The following DNAJC5 variants were observed in gnomAD, a reference collection of about 807,000 sequenced individuals.
DNAJC5 encodes the protein DnaJ heat shock protein family (Hsp40) member C5.
A neutral mutation model predicts 23.2 loss-of-function variants in DNAJC5; 1 was observed. The ratio of observed to expected loss-of-function variants is 0.04; its 90% confidence interval spans 0.02 to 0.20. DNAJC5 has a LOEUF of 0.20. DNAJC5 is among the 10% of genes least tolerant of loss of function. The pLI, the probability that DNAJC5 is intolerant of heterozygous loss-of-function variation, is 1.00. For synonymous variants in DNAJC5, 136 were observed against 120.0 expected, an observed-to-expected ratio of 1.13 and a Z score of -0.87; for missense variants, 180 against 267.0, an observed-to-expected ratio of 0.67 and a Z score of 2.27.
At chr20:63,901,186 A>G (rs753051391) in intron 1 of DNAJC5, among the ~76,000 whole-genome samples, 12 of 152,218 alleles carry the variant, frequency 7.9e-5, no homozygotes, top group Non-Finnish European at 1.5e-4. Context: ...GCTGGTCTCA[A>G]ACTCCTGAAC....
In DNAJC5 at chr20:63,930,942, C is replaced by G. The variant is rs978181483; in HGVS notation, c.413C>G (p.Pro138Arg). The change falls in exon 4 of 5, where the codon CCC (proline) becomes CGC (arginine). Residue 138 changes from proline (P) to arginine (R), a missense_variant. Physicochemically the swap from Pro to Arg is moderately radical, Grantham distance 103. Around this residue, in one of 3 missense-constraint regions of DNAJC5, gnomAD observed 97 missense variants for 123.4 expected, o/e 0.79. Transcript: ENST00000360864. Reference protein sequence around the residue: ...CFNCCCGKCKPKAPEGEETEF... With the variant: ...CFNCCCGKCKRKAPEGEETEF... ...AACTGCTGCTGCGGGAAGTGTAAGC[C>G]CAAGGCGCCTGAAGGCGAGGAGACG... 1 of 1,614,030 alleles carries G rather than the reference C, an allele frequency of 6.2e-7. No individual in the cohort carries two copies.
chr20:63,912,764 C>T (rs1303651154), intron 1 of DNAJC5, among the ~76,000 whole-genome samples: 2 of 152,126 alleles, frequency 1.3e-5, no homozygotes, highest in Non-Finnish European at 2.9e-5. Flanking sequence ...CCTGCCACCA[C>T]GTCCAGCTAA....
Position 63,920,163 on chromosome 20 carries a change from C to T in DNAJC5, c.-11-8172C>T, listed in dbSNP as rs909101688. 2.0e-5 allele frequency among the ~76,000 whole-genome samples: 3 copies of T among 152,170 alleles called. No individual in the cohort carries two copies. The highest frequency in any genetic ancestry group is 3.4e-3 in the Middle Eastern group (1 of 294). ...CACAGGACAGCGCCACGGAAGAGGACGCACCCGGCTGTGTGGCAGGGGAGG... is the reference window on the plus strand; with the variant it reads ...CACAGGACAGCGCCACGGAAGAGGATGCACCCGGCTGTGTGGCAGGGGAGG... On this transcript the variant is annotated intron_variant, in intron 1 of 4. Transcript: ENST00000360864. The surrounding 1 kb of genome is among the most constrained non-coding windows in gnomAD (Gnocchi z 4.6).
intron 1 of DNAJC5, among the ~76,000 whole-genome samples, chr20:63,917,421 T>C (rs1032463257): frequency 2.0e-5 from 3 of 151,922 alleles, no homozygotes; most frequent in Non-Finnish European, 4.4e-5. Context: ...AATGCAGAAC[T>C]TTTGTATTTT....
chr20:63,913,805 C>A (rs921336709), intron 1 of DNAJC5, among the ~76,000 whole-genome samples: 2 of 152,204 alleles, frequency 1.3e-5, no homozygotes, highest in Non-Finnish European at 2.9e-5. Context: ...TCTCAAACTC[C>A]TGACCTCAGG....
At chr20:63,899,618 C>G (rs1183176843) in intron 1 of DNAJC5, among the ~76,000 whole-genome samples, 1 of 152,276 alleles carries the variant, frequency 6.6e-6, no homozygotes, top group African/African-American at 2.4e-5. Flanking sequence ...GTCTCATTCT[C>G]TCACCCAGGC....
chr20:63,910,646 C>G (rs1386671158), intron 1 of DNAJC5, among the ~76,000 whole-genome samples: 3 of 150,806 alleles, frequency 2.0e-5, no homozygotes, highest in Admixed American at 1.3e-4. Context: ...ATAACCTGCT[C>G]TCCAAGTAAT....
intron 1 of DNAJC5, chr20:63,919,301 G>A (rs1334882613): frequency 4.4e-6 from 2 of 456,812 alleles, no homozygotes; most frequent in African/African-American, 2.0e-5. Flanking sequence ...AGAACAGAGC[G>A]AGGCATGTGA....
chr20:63,905,845 C>T (rs771299480), intron 1 of DNAJC5, among the ~76,000 whole-genome samples: 3 of 152,058 alleles, frequency 2.0e-5, no homozygotes, highest in African/African-American at 7.2e-5. Context: ...AGCGATTCTC[C>T]TGCCTCAGCC....
In DNAJC5 at chr20:63,916,223, C is replaced by T. The variant is rs551315478; in HGVS notation, c.-11-12112C>T. ...TCAGCCTCCAAAAGTGCTAGGATTC[C>T]GGGCATGAGCCATCATGCCTGGTTA... On this transcript the variant is annotated intron_variant, in intron 1 of 4. Coordinates refer to ENST00000360864, the MANE Select transcript of DNAJC5 (RefSeq NM_025219.3). Among the ~76,000 whole-genome samples, 20 of 152,334 alleles carry T rather than the reference C, an allele frequency of 1.3e-4. 1 individual carries two copies. Among genetic ancestry groups the T allele is most frequent in the African/African-American group, 2.6e-4 (11 of 41,588 alleles).
At chr20:63,922,054 C>G (rs894778823) in intron 1 of DNAJC5, among the ~76,000 whole-genome samples, 1 of 151,922 alleles carries the variant, frequency 6.6e-6, no homozygotes, top group South Asian at 2.1e-4. Flanking sequence ...GCTGGAATTA[C>G]AGGCGTGAGC....
At chr20:63,923,014 G>T (rs2053584572) in intron 1 of DNAJC5, among the ~76,000 whole-genome samples, 1 of 152,026 alleles carries the variant, frequency 6.6e-6, no homozygotes, top group South Asian at 2.1e-4. Flanking sequence ...GGTGGTACGT[G>T]CCTGTAGTCC....
At chr20:63,922,575 C>G (rs1456934126) in intron 1 of DNAJC5, among the ~76,000 whole-genome samples, 1 of 151,678 alleles carries the variant, frequency 6.6e-6, no homozygotes, top group East Asian at 2.0e-4. Context: ...AATTCAAGAT[C>G]AGCCTGAGCA....
At chr20:63,901,112 G>T (rs929503581) in intron 1 of DNAJC5, among the ~76,000 whole-genome samples, 6 of 152,190 alleles carry the variant, frequency 3.9e-5, no homozygotes, top group African/African-American at 1.4e-4. Context: ...TTACAGGCGT[G>T]TGCCACCACG....
At chr20:63,914,606 C>G (rs1048423254) in intron 1 of DNAJC5, among the ~76,000 whole-genome samples, 1 of 144,668 alleles carries the variant, frequency 6.9e-6, no homozygotes, top group Non-Finnish European at 1.5e-5. Context: ...CATGAACCAC[C>G]GTGCCCGGCC....
rs902484520 is a variant in DNAJC5, at chr20:63,931,228, C to T, written c.493+206C>T. The T allele has an allele frequency of 5.4e-5, 43 of 792,330 alleles. No individual in the cohort carries two copies. Among genetic ancestry groups the T allele is most frequent in the South Asian group, 4.2e-4 (29 of 68,410 alleles). The allele number at this position is 792,330 out of a possible 1,614,324, so 49.1% of individuals were successfully genotyped here. A position where few individuals can be genotyped will look rare whatever the true frequency, so the allele number is the denominator to read the frequency against. On this transcript the variant is annotated intron_variant, in intron 4 of 4. Coordinates refer to ENST00000360864, the MANE Select transcript of DNAJC5 (RefSeq NM_025219.3). The surrounding 1 kb of genome is among the most constrained non-coding windows in gnomAD (Gnocchi z 9.6). ...TGTCCCCGCCGTGACCTGCGGTAGC[C>T]GTAGATCCCAGGGACTGCGAGGCGG...
intron 1 of DNAJC5, among the ~76,000 whole-genome samples, chr20:63,898,020 C>T (rs1022032618): frequency 4.6e-5 from 7 of 152,200 alleles, no homozygotes; most frequent in African/African-American, 1.7e-4. Flanking sequence ...TACCACTGAG[C>T]CTGGTTGTAC....
rs527760817 is a variant in DNAJC5, at chr20:63,925,711, C to T, written c.-11-2624C>T. On this transcript the variant is annotated intron_variant, in intron 1 of 4. Transcript: ENST00000360864. ...TGCCTCCTGCCAGTATCACCGAGAT[C>T]GCGTCACCGCACTCCAGCCTGGGCA... 5.2e-4 allele frequency among the ~76,000 whole-genome samples: 79 copies of T among 151,492 alleles called. 1 individual carries two copies. The South Asian group carries it at 7.7e-3, about 15-fold the overall frequency.
chr20:63,913,481 CT>C (rs1347304566), intron 1 of DNAJC5, among the ~76,000 whole-genome samples: 2 of 152,000 alleles, frequency 1.3e-5, no homozygotes, highest in Non-Finnish European at 2.9e-5. Flanking sequence ...ACTGCAGCCT[CT>C]GCCTCCTGGG....
Sources: gnomAD v4.1 joint callset for allele counts (sites outside exome capture counted in the v4.1 genomes callset) on GRCh38, gnomAD v4.1.1 for gene constraint, gnomAD v4.1.1 regional missense constraint, Gnocchi (gnomAD v3.1) non-coding constraint, MANE v1.5 for transcripts, NCBI Gene and HGNC (gene_info 2026-07-23, HGNC 2026-07-21) for gene names.